Variants in RBM19 observed in about 807,000 individuals in gnomAD.
RBM19 encodes probable RNA-binding protein 19.
A neutral mutation model predicts 116.8 loss-of-function variants in RBM19; 94 were observed. The ratio of observed to expected loss-of-function variants is 0.80; its 90% CI spans 0.68 to 0.95. The LOEUF (loss-of-function observed/expected upper bound fraction) is 0.95. Ranked by LOEUF, RBM19 falls within the 40% of genes least tolerant of loss-of-function variation. RBM19 has a pLI of 0.00. For synonymous variants in RBM19, 475 were observed against 494.1 expected, an observed-to-expected ratio of 0.96 and a Z score of 0.51; for missense variants, 1,161 against 1,220.7, an observed-to-expected ratio of 0.95 and a Z score of 0.73.
intron 16 of RBM19, among the ~76,000 whole-genome samples, chr12:113,929,516 C>A (rs964722786): frequency 6.6e-6 from 1 of 152,166 alleles, no homozygotes; most frequent in African/African-American, 2.4e-5. Flanking sequence ...GTACTTAAAA[C>A]CCAACTTTCA....
At chr12:113,928,417 TAC>T (rs3066401) in intron 16 of RBM19, among the ~76,000 whole-genome samples, 3,907 of 136,296 alleles carry the variant, frequency 0.029, 89 homozygotes, top group African/African-American at 0.058. Flanking sequence ...TACATGTGCA[TAC>T]ACACACACAC....
intron 21 of RBM19, among the ~76,000 whole-genome samples, chr12:113,868,092 T>A (rs891365343): frequency 6.6e-6 from 1 of 152,216 alleles, no homozygotes; most frequent in Non-Finnish European, 1.5e-5. Flanking sequence ...CTAAATATAG[T>A]CCATGTATTA....
At position 113,834,346 on chromosome 12, in the gene RBM19, G is replaced by A. The variant is rs575746780; in HGVS notation, c.2785+10322C>T. On this transcript the variant is annotated intron_variant, in intron 23 of 23. Transcript: ENST00000261741. ...AGGACTCCAGGTGCAGGGCACTGGG[G>A]GTGCAGTTATGAGGCCTCTAGAGTT... Among the ~76,000 whole-genome samples the A allele has an allele frequency of 2.2e-4, 34 of 152,308 alleles. No homozygotes were observed. In the South Asian group the frequency reaches 6.8e-3, roughly 31 times the overall value.
At position 113,924,678 on chromosome 12, in the gene RBM19, C is replaced by T. The variant is rs3782456; in HGVS notation, c.2305+19G>A. On this transcript the variant is annotated intron_variant, in intron 18 of 23. Coordinates refer to ENST00000261741, the MANE Select transcript of RBM19 (RefSeq NM_016196.4). ...TTCCGGCTGAATACTGAACACTTTCCGAATTTCATGCGGAATACCTGCTTT... is the reference window on the plus strand; with the variant it reads ...TTCCGGCTGAATACTGAACACTTTCTGAATTTCATGCGGAATACCTGCTTT... The T allele has an allele frequency of 0.61, 935,202 of 1,526,378 alleles. 292,870 individuals are homozygous for T. Among genetic ancestry groups the T allele is most frequent in the East Asian group, 0.98 (43,723 of 44,426 alleles). The allele number at this position is 1,526,378 out of a possible 1,614,324, so 94.6% of individuals were successfully genotyped here.
chr12:113,960,595 C>T (rs556315881), intron 2 of RBM19, among the ~76,000 whole-genome samples: 1 of 152,290 alleles, frequency 6.6e-6, no homozygotes, highest in East Asian at 1.9e-4. Context: ...GACTGGAACT[C>T]AGGGGGTCTC....
chr12:113,934,299 GGGCGGGGC>G (rs1869865409), intron 16 of RBM19, among the ~76,000 whole-genome samples: 3 of 152,250 alleles, frequency 2.0e-5, no homozygotes, highest in African/African-American at 4.8e-5. Flanking sequence ...CGCCCTCAGA[GGGCGGGGC>G]GGATATCATG....
intron 22 of RBM19, among the ~76,000 whole-genome samples, chr12:113,853,435 A>G (rs1877629866): frequency 1.3e-5 from 2 of 152,260 alleles, no homozygotes; most frequent in Admixed American, 1.3e-4. Flanking sequence ...TGGCAAATAA[A>G]AACAGCTGCA....
intron 23 of RBM19, among the ~76,000 whole-genome samples, chr12:113,834,701 A>G (rs1300391511): frequency 6.6e-6 from 1 of 152,176 alleles, no homozygotes; most frequent in South Asian, 2.1e-4. Context: ...TCCAATAAAG[A>G]GAGGGCAATT....
chr12:113,930,878 C>T (rs1869544925), intron 16 of RBM19, among the ~76,000 whole-genome samples: 1 of 152,146 alleles, frequency 6.6e-6, no homozygotes, highest in African/African-American at 2.4e-5. Flanking sequence ...AGGCCCAGTC[C>T]CAGCCCTGCC....
chr12:113,951,538 A>ACAC (rs1566038702), intron 8 of RBM19, among the ~76,000 whole-genome samples: 53 of 150,230 alleles, frequency 3.5e-4, no homozygotes, highest in African/African-American at 1.0e-3. Context: ...CACACACACA[A>ACAC]ACACACACAC....
Position 113,858,853 on chromosome 12 carries a change from T to C in RBM19, c.2602A>G (p.Thr868Ala). 6.2e-7 allele frequency: 1 copy of C among 1,614,126 alleles called. No individual in the cohort carries two copies. The highest frequency in any genetic ancestry group is 1.6e-4 in the Middle Eastern group (1 of 6,062). The stretch of plus-strand genomic sequence containing the variant: ...AAGCCTCTGTGTGTGCCTGTCCCAG[T>C]CATCTTCTTTGGCAGGCGGACCGTC... The part of the protein sequence containing the change: ...LKTVRLPKKM[T>A]GTGTHRGFGF... The change falls in exon 22 of 24, where the codon ACT becomes GCT. Residue 868 changes from threonine to alanine, a missense_variant. Physicochemically the swap from Thr to Ala is moderately conservative, Grantham distance 58. Transcript: ENST00000261741.
rs1477007465 is a variant in RBM19, at chr12:113,960,082, A to T, written c.316T>A (p.Ser106Thr). ...PSQPKQPPKD[S>T]TTPEIKKDEK... ...ACTTTCTTAATTTCTGGAGTAGTAG[A>T]GTCTTTTGGAGGCTGCTTGGGCTGG... Residue 106 changes from serine to threonine, a missense_variant, in exon 3 of 24, where the codon TCT (serine) becomes ACT (threonine). Coordinates refer to ENST00000261741, the MANE Select transcript of RBM19 (RefSeq NM_016196.4). 2 of 1,614,152 alleles carry T rather than the reference A, an allele frequency of 1.2e-6. No individual in the cohort carries two copies. Among genetic ancestry groups the T allele is most frequent in the South Asian group, 2.2e-5 (2 of 91,084 alleles).
chr12:113,871,252 C>T (rs924110209), intron 21 of RBM19, among the ~76,000 whole-genome samples: 2 of 152,232 alleles, frequency 1.3e-5, no homozygotes, highest in Non-Finnish European at 2.9e-5. Context: ...CTGCCTGTCA[C>T]CTATGGGAAA....
intron 21 of RBM19, among the ~76,000 whole-genome samples, chr12:113,879,391 T>C (rs1387093579): frequency 6.7e-6 from 1 of 149,758 alleles, no homozygotes; most frequent in Non-Finnish European, 1.5e-5. Flanking sequence ...ATTTAGCATT[T>C]TTCCATACTC....
chr12:113,858,992 G>A, intron 21 of RBM19, 96 bp from the exon 22 acceptor site: 1 of 1,133,334 alleles, frequency 8.8e-7, no homozygotes, highest in South Asian at 1.3e-5. Context: ...ATCCCTTTGG[G>A]TTATAAAAGA....
chr12:113,858,577 G>A (rs1008984203), intron 22 of RBM19, among the ~76,000 whole-genome samples: 1 of 152,190 alleles, frequency 6.6e-6, no homozygotes, highest in Non-Finnish European at 1.5e-5. Context: ...AACTAGGGGA[G>A]GGAAGGGGAC....
At position 113,938,281 on chromosome 12, in the gene RBM19, G is replaced by A. The variant is rs142737998; in HGVS notation, c.1939-1145C>T. Among the ~76,000 whole-genome samples, 47 of 152,210 alleles carry A rather than the reference G, an allele frequency of 3.1e-4. No individual in the cohort carries two copies. The East Asian group carries it at 7.5e-3, about 24-fold the overall frequency. On this transcript the variant is annotated intron_variant, in intron 15 of 23. Transcript: ENST00000261741. ...GCCCCACCTAGATAATTTTTCTTATGGGTCAGGCGCAGACTGACTTCCTGA... is the reference window on the plus strand; with the variant it reads ...GCCCCACCTAGATAATTTTTCTTATAGGTCAGGCGCAGACTGACTTCCTGA...
Position 113,952,585 on chromosome 12 carries a change from A to AT in RBM19, c.926dup (p.Asn309LysfsTer24), listed in dbSNP as rs775703190. ...TCAGGGGTGCCAGGAATTCCATAAC[A>AT]TTTTTCTGTGAGAAGAAGTTTTTTT... On this transcript the variant is annotated frameshift_variant, in exon 8 of 24. Transcript: ENST00000261741. LOFTEE classifies it high-confidence loss of function. 30 of 1,613,730 alleles carry AT rather than the reference A, an allele frequency of 1.9e-5. No individual in the cohort carries two copies. The highest frequency in any genetic ancestry group is 2.5e-5 in the Non-Finnish European group (29 of 1,179,750).
intron 21 of RBM19, among the ~76,000 whole-genome samples, chr12:113,891,838 G>A (rs995996711): frequency 1.3e-5 from 2 of 152,134 alleles, no homozygotes; most frequent in Admixed American, 6.5e-5. Context: ...ATTGCCCCAC[G>A]AAGTGTAATC....
Sources: gnomAD v4.1 joint callset for allele counts (sites outside exome capture counted in the v4.1 genomes callset) on GRCh38, gnomAD v4.1.1 for gene constraint, MANE v1.5 for transcripts, NCBI Gene and HGNC (gene_info 2026-07-23, HGNC 2026-07-21) for gene names.